ARHGAP12: variants seen among roughly 807,000 people sequenced by gnomAD.
The protein encoded by ARHGAP12 is rho GTPase-activating protein 12.
Under a neutral mutation model 108.6 loss-of-function variants are expected in ARHGAP12, and 64 were observed. The observed-to-expected ratio is 0.59, with a 90% CI of 0.48 to 0.73. ARHGAP12 has a LOEUF of 0.73. Ranked by LOEUF, ARHGAP12 falls within the 30% of genes least tolerant of loss-of-function variation. ARHGAP12 has a pLI of 0.00. For missense variants in ARHGAP12, 940 were observed against 1,005.9 expected, an observed-to-expected ratio of 0.93 and a Z score of 0.89; for synonymous variants, 312 against 337.2, an observed-to-expected ratio of 0.93 and a Z score of 0.82.
At chr10:31,893,731 C>T (rs570642370) in intron 3 of ARHGAP12, among the ~76,000 whole-genome samples, 88 of 152,184 alleles carry the variant, frequency 5.8e-4, no homozygotes, top group Non-Finnish European at 1.2e-3. Context: ...AGGGAATCCT[C>T]CCTAACTCAC....
At chr10:31,880,656 T>C (rs1168987748) in intron 3 of ARHGAP12, among the ~76,000 whole-genome samples, 3 of 152,122 alleles carry the variant, frequency 2.0e-5, no homozygotes, top group Non-Finnish European at 4.4e-5. Flanking sequence ...TGTATCAAAC[T>C]ATCCCCAGCA....
At chr10:31,879,752 G>A (rs1349157564) in intron 3 of ARHGAP12, among the ~76,000 whole-genome samples, 2 of 152,082 alleles carry the variant, frequency 1.3e-5, no homozygotes, top group Non-Finnish European at 2.9e-5. Flanking sequence ...CACTAAGCTG[G>A]CAATTTTTAA....
intron 1 of ARHGAP12, among the ~76,000 whole-genome samples, chr10:31,911,581 T>C (rs751235160): frequency 3.3e-5 from 5 of 152,212 alleles, no homozygotes; most frequent in Non-Finnish European, 7.3e-5. Context: ...CTCAAAGTGC[T>C]GGGGCTGCAG....
intron 3 of ARHGAP12, among the ~76,000 whole-genome samples, chr10:31,865,348 C>T (rs1201071647): frequency 6.6e-6 from 1 of 151,988 alleles, no homozygotes; most frequent in Non-Finnish European, 1.5e-5. Context: ...AAGAAACAAT[C>T]AGAAGGTTAA....
chr10:31,916,445 A>G (rs1302019471), intron 1 of ARHGAP12, among the ~76,000 whole-genome samples: 1 of 152,030 alleles, frequency 6.6e-6, no homozygotes, highest in Non-Finnish European at 1.5e-5. Flanking sequence ...CCTCCTTTCT[A>G]TCTGCCAATT....
chr10:31,858,835 T>C (rs1245560319), intron 4 of ARHGAP12, among the ~76,000 whole-genome samples: 1 of 152,080 alleles, frequency 6.6e-6, no homozygotes, highest in Non-Finnish European at 1.5e-5. Context: ...GTCAAGCAGA[T>C]GAACAAAAAA....
At chr10:31,848,551 A>C (rs1308446309) in intron 6 of ARHGAP12, among the ~76,000 whole-genome samples, 1 of 152,136 alleles carries the variant, frequency 6.6e-6, no homozygotes. Flanking sequence ...TTTCTTAACT[A>C]TGCTTTCATA....
chr10:31,841,892 C>T (rs1040942872), intron 7 of ARHGAP12, among the ~76,000 whole-genome samples: 1 of 152,044 alleles, frequency 6.6e-6, no homozygotes, highest in Non-Finnish European at 1.5e-5. Context: ...ACCTAAAATA[C>T]TGCCTTATGT....
intron 10 of ARHGAP12, among the ~76,000 whole-genome samples, chr10:31,830,681 CAG>C (rs1350283718): frequency 1.3e-5 from 2 of 152,076 alleles, no homozygotes; most frequent in African/African-American, 2.4e-5. Context: ...TTATACTGCA[CAG>C]AGTTAATTTC....
chr10:31,917,764 A>G (rs1253597667), intron 1 of ARHGAP12, among the ~76,000 whole-genome samples: 1 of 152,208 alleles, frequency 6.6e-6, no homozygotes, highest in Admixed American at 6.5e-5. Context: ...ACCCAAAAAA[A>G]GGAGAAAACA....
At chr10:31,853,404 G>A (rs543321949) in intron 5 of ARHGAP12, among the ~76,000 whole-genome samples, 2 of 152,204 alleles carry the variant, frequency 1.3e-5, no homozygotes, top group South Asian at 2.1e-4. Flanking sequence ...CAGGGAATAT[G>A]AGGGGAAAAA....
At chr10:31,860,918 A>G (rs989452616) in intron 4 of ARHGAP12, among the ~76,000 whole-genome samples, 1 of 152,270 alleles carries the variant, frequency 6.6e-6, no homozygotes, top group Middle Eastern at 3.4e-3. Context: ...AAAATCAGCC[A>G]GTGACATGTG....
At chr10:31,899,013 T>C (rs1337854702) in intron 3 of ARHGAP12, among the ~76,000 whole-genome samples, 1 of 152,212 alleles carries the variant, frequency 6.6e-6, no homozygotes, top group Non-Finnish European at 1.5e-5. Flanking sequence ...TGATACATGC[T>C]ACACACAACA....
At chr10:31,824,141 CT>C (rs777622123) in intron 11 of ARHGAP12, among the ~76,000 whole-genome samples, 24 of 152,148 alleles carry the variant, frequency 1.6e-4, no homozygotes, top group South Asian at 4.1e-4. Context: ...TTCTCGCTCC[CT>C]TAAATATGTA....
intron 3 of ARHGAP12, among the ~76,000 whole-genome samples, chr10:31,901,861 T>A (rs1057252644): frequency 2.0e-5 from 3 of 152,148 alleles, no homozygotes; most frequent in Non-Finnish European, 2.9e-5. Context: ...TCAAATCTGT[T>A]TCTTCTTCAC....
At chr10:31,884,490 A>T (rs1417320730) in intron 3 of ARHGAP12, among the ~76,000 whole-genome samples, 1 of 152,184 alleles carries the variant, frequency 6.6e-6, no homozygotes, top group Non-Finnish European at 1.5e-5. Flanking sequence ...CAGCCTTTTC[A>T]TATTATTGTG....
At chr10:31,815,549 T>A (rs1185613954) in intron 13 of ARHGAP12, among the ~76,000 whole-genome samples, 1 of 152,028 alleles carries the variant, frequency 6.6e-6, no homozygotes, top group Non-Finnish European at 1.5e-5. Context: ...TTAGGTATTC[T>A]TAGTTTTTTG....
intron 6 of ARHGAP12, among the ~76,000 whole-genome samples, chr10:31,844,026 T>G (rs938718529): frequency 1.3e-5 from 2 of 152,276 alleles, no homozygotes; most frequent in Non-Finnish European, 2.9e-5. Context: ...TCTACTAAAA[T>G]CAAAAATAAG....
At chr10:31,887,283 G>T (rs1321882995) in intron 3 of ARHGAP12, among the ~76,000 whole-genome samples, 1 of 152,012 alleles carries the variant, frequency 6.6e-6, no homozygotes, top group African/African-American at 2.4e-5. Context: ...ATTGGATGAG[G>T]CCCACCCACA....
Sources: gnomAD v4.1 joint callset for allele counts (sites outside exome capture counted in the v4.1 genomes callset) on GRCh38, gnomAD v4.1.1 for gene constraint, MANE v1.5 for transcripts, NCBI Gene and HGNC (gene_info 2026-07-23, HGNC 2026-07-21) for gene names.